The following FMN2 variants were observed in gnomAD, a reference collection of about 807,000 sequenced individuals.
FMN2 encodes the protein formin-2.
FMN2 carries 51 observed loss-of-function variants against 142.3 expected under a neutral mutation model. The observed-to-expected ratio is 0.36, with a 90% confidence interval of 0.29 to 0.45. FMN2 has a LOEUF of 0.45. Ranked by LOEUF, FMN2 falls within the 20% of genes least tolerant of loss-of-function variation. The pLI is 1.00. For synonymous variants in FMN2, 882 were observed against 869.8 expected, an observed-to-expected ratio of 1.01 and a Z score of -0.25; for missense variants, 1,936 against 2,122.8, an observed-to-expected ratio of 0.91 and a Z score of 1.73.
chr1:240,302,322 A>C (rs2102974585), intron 8 of FMN2, among the ~76,000 whole-genome samples: 1 of 152,198 alleles, frequency 6.6e-6, no homozygotes, highest in African/African-American at 2.4e-5. Context: ...AGCTAGAAAA[A>C]GAAATTTGCA....
At chr1:240,340,338 T>C (rs1671704677) in intron 13 of FMN2, among the ~76,000 whole-genome samples, 1 of 152,112 alleles carries the variant, frequency 6.6e-6, no homozygotes, top group African/African-American at 2.4e-5. Flanking sequence ...CCCAGCACTT[T>C]GGGAGGCCGA....
chr1:240,145,753 TC>T (rs1201230882), intron 2 of FMN2, among the ~76,000 whole-genome samples: 1 of 151,918 alleles, frequency 6.6e-6, no homozygotes, highest in African/African-American at 2.4e-5. Context: ...CAAGTGATCC[TC>T]CTGCCTCAGC....
chr1:240,372,343 AG>A (rs530555612), intron 14 of FMN2, among the ~76,000 whole-genome samples: 119 of 152,226 alleles, frequency 7.8e-4, no homozygotes, highest in Non-Finnish European at 1.4e-3. Context: ...GTGTGTTTTG[AG>A]GATAAATCTT....
rs1676142341 is a variant in FMN2 at position 240,453,961 on chromosome 1, AGTCCG to A, written c.5060+15753_5060+15757del. On this transcript the variant is annotated intron_variant, in intron 16 of 17. Transcript: ENST00000319653. The stretch of plus-strand genomic sequence containing the variant: ...CCGAGATTGCGCCACTGCAGTCCGC[AGTCCG>A]GCCTGGGCGACAGAGCGAGACTCTG... Among the ~76,000 whole-genome samples, 2 of 123,244 alleles carry A rather than the reference AGTCCG, an allele frequency of 1.6e-5. 1 individual carries two copies. The highest frequency in any genetic ancestry group is 3.4e-5 in the Non-Finnish European group (2 of 58,306). The allele number at this position is 123,244 out of a possible 152,430, so 80.9% of individuals were successfully genotyped here.
chr1:240,205,112 C>T (rs1364760819), intron 4 of FMN2, among the ~76,000 whole-genome samples: 4 of 152,068 alleles, frequency 2.6e-5, no homozygotes, highest in African/African-American at 4.8e-5. Flanking sequence ...GGGTAAGAAG[C>T]GTGTGCATGT....
chr1:240,170,513 G>T (rs1664659233), intron 2 of FMN2: 1 of 1,516,296 alleles, frequency 6.6e-7, no homozygotes, highest in African/African-American at 1.4e-5. Flanking sequence ...CAGAATATAA[G>T]AGTCACTCAA....
chr1:240,154,876 C>T (rs1663955701), intron 2 of FMN2: 1 of 143,230 alleles, frequency 7.0e-6, no homozygotes, highest in Admixed American at 7.0e-5. Flanking sequence ...TTCTTCCCTC[C>T]CCTCCCTTCC....
At chr1:240,226,809 GAC>G (rs35315482) in intron 6 of FMN2, among the ~76,000 whole-genome samples, 51,925 of 148,864 alleles carry the variant, frequency 0.35, 9,187 homozygotes, top group Non-Finnish European at 0.4. Flanking sequence ...ACACTTTAGT[GAC>G]ACACACACAC....
At chr1:240,386,994 A>C (rs1673427289) in intron 14 of FMN2, among the ~76,000 whole-genome samples, 1 of 152,216 alleles carries the variant, frequency 6.6e-6, no homozygotes, top group Admixed American at 6.5e-5. Flanking sequence ...CTAGCATTTG[A>C]GATTTGCGGG....
At chr1:240,420,835 G>A (rs1307784885) in intron 15 of FMN2, among the ~76,000 whole-genome samples, 1 of 152,150 alleles carries the variant, frequency 6.6e-6, no homozygotes, top group Non-Finnish European at 1.5e-5. Context: ...GGTTCTCGCA[G>A]ACTACTTGTG....
chr1:240,194,456 C>T (rs1337213591), intron 4 of FMN2, among the ~76,000 whole-genome samples: 1 of 152,114 alleles, frequency 6.6e-6, no homozygotes, highest in Non-Finnish European at 1.5e-5. Context: ...TTGATTTGTA[C>T]AGAGGTGACC....
At chr1:240,238,506 T>G (rs1307884545) in intron 6 of FMN2, among the ~76,000 whole-genome samples, 1 of 152,200 alleles carries the variant, frequency 6.6e-6, no homozygotes, top group Admixed American at 6.5e-5. Flanking sequence ...GATATTTAAC[T>G]AGTTTATAGG....
chr1:240,375,165 G>A (rs973062587), intron 14 of FMN2, among the ~76,000 whole-genome samples: 1 of 151,996 alleles, frequency 6.6e-6, no homozygotes, highest in African/African-American at 2.4e-5. Context: ...ATAGTTTGTG[G>A]TGCCCCAGAA....
intron 16 of FMN2, among the ~76,000 whole-genome samples, chr1:240,464,672 T>C (rs1676555688): frequency 6.6e-6 from 1 of 151,922 alleles, no homozygotes; most frequent in Non-Finnish European, 1.5e-5. Context: ...AGGAATACGA[T>C]GTGTGTAAGG....
chr1:240,130,842 C>A (rs971493322), intron 2 of FMN2, among the ~76,000 whole-genome samples: 1 of 148,774 alleles, frequency 6.7e-6, no homozygotes, highest in Non-Finnish European at 1.5e-5. Flanking sequence ...TCTTTCTCTT[C>A]TAATTTAGGT....
intron 7 of FMN2, among the ~76,000 whole-genome samples, chr1:240,265,825 C>T (rs575107911): frequency 5.2e-4 from 79 of 151,942 alleles, no homozygotes; most frequent in Admixed American, 9.2e-4. Context: ...TAGTTTCCTT[C>T]GTGTGTTTCT....
chr1:240,450,619 A>G (rs1190317081), intron 16 of FMN2, among the ~76,000 whole-genome samples: 3 of 152,226 alleles, frequency 2.0e-5, no homozygotes, highest in Non-Finnish European at 4.4e-5. Context: ...TAGGGCCAGC[A>G]GTGAGGCTGG....
chr1:240,118,081 G>A (rs1202325466), intron 1 of FMN2, among the ~76,000 whole-genome samples: 1 of 152,188 alleles, frequency 6.6e-6, no homozygotes, highest in Non-Finnish European at 1.5e-5. Flanking sequence ...TTCATGGTGA[G>A]AGTGAGCTCA....
rs554698558 is a variant in FMN2 at position 240,093,499 on chromosome 1, G to T, written c.1390G>T (p.Ala464Ser). The T allele has an allele frequency of 1.3e-5, 20 of 1,595,944 alleles. No homozygotes were observed. In the East Asian group the frequency reaches 4.7e-4, roughly 37 times the overall value. ...CAGAACTGCCCTGGCCTCCGTAGCC[G>T]CCCCGGCCAAGAAGCACCGGGCCGA... ...GSRTALASVA[A>S]PAKKHRADGG... The change falls in exon 1 of 18, where the codon GCC becomes TCC. Residue 464 changes from alanine to serine, a missense_variant. Coordinates refer to ENST00000319653, the MANE Select transcript of FMN2 (RefSeq NM_020066.5).
Sources: allele counts gnomAD v4.1 joint callset (sites outside exome capture counted in the v4.1 genomes callset), GRCh38; gene constraint gnomAD v4.1.1; transcripts MANE v1.5; gene names NCBI Gene and HGNC (gene_info 2026-07-23, HGNC 2026-07-21).